The following NMRAL1 variants were observed in gnomAD, a reference collection of about 807,000 sequenced individuals.
The protein encoded by NMRAL1 is nmrA-like family domain-containing protein 1.
A neutral mutation model predicts 27.5 loss-of-function variants in NMRAL1; 32 were observed. The ratio of observed to expected loss-of-function variants is 1.16; its 90% CI spans 0.88 to 1.56. NMRAL1 has a LOEUF of 1.56. Ranked by LOEUF, NMRAL1 falls within the 40% of genes most tolerant of loss-of-function variation. The pLI, the probability that NMRAL1 is intolerant of heterozygous loss-of-function variation, is 0.00. For missense variants in NMRAL1, 420 were observed against 392.0 expected, an observed-to-expected ratio of 1.07 and a Z score of -0.60; for synonymous variants, 166 against 166.8, an observed-to-expected ratio of 1.00 and a Z score of 0.04.
At chr16:4,474,349 A>C in intron 1 of NMRAL1, 183 bp from the exon 2 acceptor site, 1 of 504,948 alleles carries the variant, frequency 2.0e-6, no homozygotes, top group Non-Finnish European at 3.6e-6. Flanking sequence ...CTTGGGCCCG[A>C]TCCCCTCCTC....
chr16:4,461,808 T>G lies in NMRAL1; in HGVS notation c.872A>C (p.Gln291Pro). The G allele has an allele frequency of 6.2e-7, 1 of 1,613,990 alleles. No homozygotes were observed. Residue 291 changes from glutamine (Q) to proline (P), a missense_variant, in exon 6 of 6, where the codon CAG (glutamine) becomes CCG (proline). By Grantham distance (76) the Gln-to-Pro change is moderately conservative (BLOSUM62 -1). Transcript: ENST00000283429. ...CAGCAGGTTGAAGTCCCCTTTGTGCTGTTCCAGCCACTGGTCCAGCGTCAG... is the reference window on the plus strand; with the variant it reads ...CAGCAGGTTGAAGTCCCCTTTGTGCGGTTCCAGCCACTGGTCCAGCGTCAG... ...KALTLDQWLEQHKGDFNLL is the reference protein window; with the variant it reads ...KALTLDQWLEPHKGDFNLL
intron 2 of NMRAL1, among the ~76,000 whole-genome samples, chr16:4,473,543 G>A (rs1401599124): frequency 1.3e-5 from 2 of 152,124 alleles, no homozygotes; most frequent in African/African-American, 4.8e-5. Context: ...CAATAGATGA[G>A]GTGGAAGAGG....
chr16:4,463,269 G>A (rs1267163301), intron 5 of NMRAL1, among the ~76,000 whole-genome samples: 1 of 152,178 alleles, frequency 6.6e-6, no homozygotes, highest in African/African-American at 2.4e-5. Flanking sequence ...CAGGCCAATG[G>A]GGGCAGGGGT....
At chr16:4,463,425 C>G (rs1227703534) in intron 5 of NMRAL1, 2 of 534,734 alleles carry the variant, frequency 3.7e-6, no homozygotes, top group African/African-American at 2.0e-5. Flanking sequence ...CTTGCCTTGG[C>G]TCCTATGGCC....
At chr16:4,464,200 A>G (rs1325608974) in intron 4 of NMRAL1, 3 of 330,896 alleles carry the variant, frequency 9.1e-6, no homozygotes, top group Non-Finnish European at 1.1e-5. Flanking sequence ...GAAAGCTGCT[A>G]CAGAGAGTGT....
intron 3 of NMRAL1, among the ~76,000 whole-genome samples, chr16:4,468,317 GAAAT>G (rs1410868775): frequency 1.3e-5 from 2 of 150,432 alleles, no homozygotes; most frequent in Non-Finnish European, 3.0e-5. Context: ...AATAAAGAAA[GAAAT>G]AAGATCAGCT....
At chr16:4,469,167 C>T in intron 3 of NMRAL1, 60 bp downstream of exon 3, 1 of 1,174,810 alleles carries the variant, frequency 8.5e-7, no homozygotes, top group Non-Finnish European at 1.3e-6. Flanking sequence ...GTCGGAGCTC[C>T]TCCCAGGCGC....
chr16:4,465,385 A>G (rs1017372364), intron 4 of NMRAL1, among the ~76,000 whole-genome samples: 61 of 152,250 alleles, frequency 4.0e-4, no homozygotes, highest in Admixed American at 3.3e-4. Context: ...TGCCCTGATC[A>G]CTGAGTGACC....
chr16:4,473,125 GC>G (rs1247737526), intron 2 of NMRAL1, among the ~76,000 whole-genome samples: 3 of 151,752 alleles, frequency 2.0e-5, no homozygotes, highest in Non-Finnish European at 2.9e-5. Flanking sequence ...ATGACACCAC[GC>G]CCCACTAATT....
chr16:4,469,474 A>G lies in NMRAL1; in HGVS notation c.41-9T>C, dbSNP rs1271606589. The G allele has an allele frequency of 1.2e-6, 2 of 1,612,822 alleles. No individual in the cohort carries two copies. Among genetic ancestry groups the G allele is most frequent in the Non-Finnish European group, 1.7e-6 (2 of 1,179,138 alleles). On this transcript the variant is annotated splice_polypyrimidine_tract_variant and intron_variant, in intron 2 of 5. Coordinates refer to ENST00000283429, the MANE Select transcript of NMRAL1 (RefSeq NM_020677.6). Reference sequence around the variant, plus strand: ...GGAGCCACCCTGGGCACCTACAAAGAATCAAAAAGACCTCTCAGGTCAGAC... The same window carrying G: ...GGAGCCACCCTGGGCACCTACAAAGGATCAAAAAGACCTCTCAGGTCAGAC...
chr16:4,468,637 A>G (rs2057423668), intron 3 of NMRAL1, among the ~76,000 whole-genome samples: 1 of 148,056 alleles, frequency 6.8e-6, no homozygotes, highest in Non-Finnish European at 1.5e-5. Context: ...AAAAAAAAAG[A>G]TCTGCGTTAA....
intron 2 of NMRAL1, chr16:4,471,363 T>C (rs902171325): frequency 5.9e-5 from 9 of 152,098 alleles, no homozygotes; most frequent in African/African-American, 2.2e-4. Flanking sequence ...ATGCCTGTAA[T>C]CCAGACACTT....
chr16:4,469,148 C>A, intron 3 of NMRAL1, 79 bp downstream of exon 3: 4 of 912,072 alleles, frequency 4.4e-6, no homozygotes, highest in South Asian at 1.3e-5. Context: ...GCTCCAACCT[C>A]CCTGCAGAGT....
rs562050358 is a variant in NMRAL1 at position 4,468,218 on chromosome 16, C to G, written c.279+1009G>C. On this transcript the variant is annotated intron_variant, in intron 3 of 5. Coordinates refer to ENST00000283429, the MANE Select transcript of NMRAL1 (RefSeq NM_020677.6). ...TCGGGAGGCTGGGGCAGGAGAATAA[C>G]TTGAACCCAGGAGGCGGAGGTTGCG... is the stretch of plus-strand genomic sequence containing the variant. Among the ~76,000 whole-genome samples the G allele has an allele frequency of 1.3e-3, 197 of 152,306 alleles. 1 individual carries two copies. The highest frequency in any genetic ancestry group is 4.4e-3 in the African/African-American group (184 of 41,584).
chr16:4,466,657 G>T (rs1390480349), intron 3 of NMRAL1: 14 of 517,748 alleles, frequency 2.7e-5, no homozygotes, highest in South Asian at 2.6e-4. Flanking sequence ...GGGGCAGGTC[G>T]GCTGCAGGGG....
chr16:4,468,499 C>T (rs2057415908), intron 3 of NMRAL1, among the ~76,000 whole-genome samples: 1 of 150,178 alleles, frequency 6.7e-6, no homozygotes, highest in African/African-American at 2.5e-5. Context: ...ACCTATAATC[C>T]CAGCTACTCG....
intron 2 of NMRAL1, among the ~76,000 whole-genome samples, chr16:4,470,543 G>A (rs575875204): frequency 6.6e-6 from 1 of 152,198 alleles, no homozygotes; most frequent in South Asian, 2.1e-4. Context: ...TATTCAGGCT[G>A]GGTGCAGTGG....
In NMRAL1 at chr16:4,466,170, C is replaced by G. The variant is rs140485553; in HGVS notation, c.512G>C (p.Gly171Ala). ...GCACTTACTCAGCAAGTAGCTCTTT[C>G]CGTCTGGGGCTTTCTGGGGCAAGAA... is the stretch of plus-strand genomic sequence containing the variant. The part of the protein sequence containing the change: ...SHFLPQKAPD[G>A]KSYLLSLPTG... The change falls in exon 4 of 6, where the codon GGA becomes GCA. Residue 171 changes from glycine (G) to alanine (A), a missense_variant. Physicochemically the swap from Gly to Ala is moderately conservative, Grantham distance 60. Coordinates refer to ENST00000283429, the MANE Select transcript of NMRAL1 (RefSeq NM_020677.6). 1.2e-6 allele frequency: 2 copies of G among 1,614,064 alleles called. No individual in the cohort carries two copies. The highest frequency in any genetic ancestry group is 2.7e-5 in the African/African-American group (2 of 74,928).
intron 1 of NMRAL1, 151 bp downstream of exon 1, chr16:4,474,403 G>A (rs2057744837): frequency 4.2e-6 from 2 of 473,742 alleles, no homozygotes; most frequent in African/African-American, 2.0e-5. Context: ...CCCGGCCCGG[G>A]TCCCACCGGC....
Sources: allele counts gnomAD v4.1 joint callset (sites outside exome capture counted in the v4.1 genomes callset), GRCh38; gene constraint gnomAD v4.1.1; transcripts MANE v1.5; gene names NCBI Gene and HGNC (gene_info 2026-07-23, HGNC 2026-07-21).